The following PMEPA1 variants were observed in gnomAD, a reference collection of about 807,000 sequenced individuals.
PMEPA1 encodes prostate transmembrane protein, androgen induced 1, also known as protein TMEPAI.
In PMEPA1, 11 loss-of-function variants were observed where a neutral mutation model predicts 23.0. That is an observed-to-expected ratio of 0.48 (90% confidence interval 0.30 to 0.79). The LOEUF is 0.79. Ranked by LOEUF, PMEPA1 falls within the 30% of genes least tolerant of loss-of-function variation. PMEPA1 has a pLI of 0.06. For missense variants in PMEPA1, 377 were observed against 390.9 expected, an observed-to-expected ratio of 0.96 and a Z score of 0.30; for synonymous variants, 204 against 166.4, an observed-to-expected ratio of 1.23 and a Z score of -1.74.
intron 1 of PMEPA1, among the ~76,000 whole-genome samples, chr20:57,693,800 TACAGACA>T: frequency 6.6e-6 from 1 of 152,190 alleles, no homozygotes; most frequent in Non-Finnish European, 1.5e-5. Context: ...TGGGGCAGGA[TACAGACA>T]CTCTGAGTCT....
chr20:57,705,137 G>A (rs1361518380), intron 1 of PMEPA1, among the ~76,000 whole-genome samples: 1 of 147,388 alleles, frequency 6.8e-6, no homozygotes, highest in Non-Finnish European at 1.5e-5. Context: ...GTGTGTGCGC[G>A]TGTGTGTGTC....
At chr20:57,695,913 G>A (rs762364529) in intron 1 of PMEPA1, among the ~76,000 whole-genome samples, 1 of 152,180 alleles carries the variant, frequency 6.6e-6, no homozygotes, top group Non-Finnish European at 1.5e-5. Flanking sequence ...TGGTGTTAAT[G>A]TGTGGCCAGG....
intron 1 of PMEPA1, among the ~76,000 whole-genome samples, chr20:57,692,948 G>A (rs564711502): frequency 2.0e-5 from 3 of 152,342 alleles, no homozygotes; most frequent in East Asian, 3.9e-4. Flanking sequence ...GGGTCAAGGT[G>A]TCCCAGGCAG....
intron 3 of PMEPA1, 23 bp downstream of exon 3, chr20:57,653,010 G>C (rs2071275228): frequency 6.3e-7 from 1 of 1,584,842 alleles, no homozygotes; most frequent in Non-Finnish European, 8.6e-7. Context: ...GGGTGTTGGA[G>C]GGGAGGCCGA....
intron 1 of PMEPA1, among the ~76,000 whole-genome samples, chr20:57,661,098 G>A (rs2071412729): frequency 6.6e-6 from 1 of 152,220 alleles, no homozygotes; most frequent in South Asian, 2.1e-4. Context: ...AGATGGCTGC[G>A]GATGTTGCCA....
At chr20:57,695,811 C>T (rs1398240411) in intron 1 of PMEPA1, among the ~76,000 whole-genome samples, 1 of 152,156 alleles carries the variant, frequency 6.6e-6, no homozygotes, top group East Asian at 1.9e-4. Flanking sequence ...CTCTGCCACA[C>T]CCTGGAATTA....
chr20:57,678,015 G>T (rs1261576057), intron 1 of PMEPA1, among the ~76,000 whole-genome samples: 2 of 152,246 alleles, frequency 1.3e-5, no homozygotes, highest in Non-Finnish European at 2.9e-5. Context: ...TAGAAATGGA[G>T]AAGAGATTAG....
chr20:57,691,172 G>C (rs1041397405), intron 1 of PMEPA1, among the ~76,000 whole-genome samples: 1 of 152,218 alleles, frequency 6.6e-6, no homozygotes, highest in African/African-American at 2.4e-5. Context: ...CCACACAGTA[G>C]GTGCTCAATG....
rs575684860 is a variant in PMEPA1, at chr20:57,662,315, G to A, written c.110-2618C>T. ...GTGGGCTGAGCACACCTAAGAACGG[G>A]CGTTTTTATTATCATCCCCATTTCA... On this transcript the variant is annotated intron_variant, in intron 1 of 3. Coordinates refer to ENST00000341744, the MANE Select transcript of PMEPA1 (RefSeq NM_020182.5). Among the ~76,000 whole-genome samples the A allele has an allele frequency of 1.1e-4, 17 of 152,336 alleles. No homozygotes were observed. The South Asian group carries it at 2.3e-3, about 20-fold the overall frequency.
At chr20:57,702,875 A>G (rs941585307) in intron 1 of PMEPA1, among the ~76,000 whole-genome samples, 1 of 152,230 alleles carries the variant, frequency 6.6e-6, no homozygotes, top group Non-Finnish European at 1.5e-5. Flanking sequence ...ATCCATCAGT[A>G]ACCCAGGAAC....
Position 57,683,529 on chromosome 20 carries a change from C to T in PMEPA1, c.110-23832G>A, listed in dbSNP as rs958849830. On this transcript the variant is annotated intron_variant, in intron 1 of 3. Coordinates refer to ENST00000341744, the MANE Select transcript of PMEPA1 (RefSeq NM_020182.5). The surrounding 1 kb of genome is among the most constrained non-coding windows in gnomAD (Gnocchi z 4.3). ...ACGAACTTGCATTACTATACTAACT[C>T]GGTGGTGGTGTTCTGGCCTGTGTGC... is the stretch of plus-strand genomic sequence containing the variant. Among the ~76,000 whole-genome samples the T allele has an allele frequency of 3.5e-5, 4 of 115,758 alleles. No homozygotes were observed. Among genetic ancestry groups the T allele is most frequent in the Middle Eastern group, 3.8e-3 (1 of 266 alleles). The allele number at this position is 115,758 out of a possible 152,430, so 75.9% of individuals were successfully genotyped here. A position where few individuals can be genotyped will look rare whatever the true frequency, so the allele number is the denominator to read the frequency against.
rs922319963 is a variant in PMEPA1, at chr20:57,656,572, G to A, written c.264+2971C>T. Among the ~76,000 whole-genome samples the A allele has an allele frequency of 1.3e-5, 2 of 152,136 alleles. No individual in the cohort carries two copies. The highest frequency in any genetic ancestry group is 2.1e-4 in the South Asian group (1 of 4,832). ...TCTGCATCATGTCCCGAATACCCTC[G>A]GAGCAGCGCCAGGGTGGAAGTGCCA... On this transcript the variant is annotated intron_variant, in intron 2 of 3. Coordinates refer to ENST00000341744, the MANE Select transcript of PMEPA1 (RefSeq NM_020182.5). The surrounding 1 kb of genome is among the most constrained non-coding windows in gnomAD (Gnocchi z 4.7).
Position 57,652,936 on chromosome 20 carries a change from AG to A in PMEPA1, c.318+96del. On this transcript the variant is annotated intron_variant, in intron 3 of 3. Coordinates refer to ENST00000341744, the MANE Select transcript of PMEPA1 (RefSeq NM_020182.5). The surrounding 1 kb of genome is among the most constrained non-coding windows in gnomAD (Gnocchi z 6.1). ...GCAAGGGCACTGCAGAGGAGGGCGGAGGGGTGAGCCTTTAGCAGCCCACACT... is the reference window on the plus strand; with the variant it reads ...GCAAGGGCACTGCAGAGGAGGGCGGAGGGTGAGCCTTTAGCAGCCCACACT... 1 of 1,010,394 alleles carries A rather than the reference AG, an allele frequency of 9.9e-7. No homozygotes were observed. Among genetic ancestry groups the A allele is most frequent in the East Asian group, 2.6e-5 (1 of 38,538 alleles). The allele number at this position is 1,010,394 out of a possible 1,614,324, so 62.6% of individuals were successfully genotyped here.
chr20:57,652,724 G>C lies in PMEPA1; in HGVS notation c.319-126C>G. 1 of 913,192 alleles carries C rather than the reference G, an allele frequency of 1.1e-6. No individual in the cohort carries two copies. 56.6% of individuals were successfully genotyped at this position (913,192 alleles called of 1,614,324 possible). ...CTGGGGAAAGGGAGAGGGCAGCAGG[G>C]CTGGCGGGGGCGGGAGCCCAGAGCC... On this transcript the variant is annotated intron_variant, in intron 3 of 3. Coordinates refer to ENST00000341744, the MANE Select transcript of PMEPA1 (RefSeq NM_020182.5). This position sits in a 1 kb window ranked among gnomAD's most constrained non-coding sequence, Gnocchi z 6.1.
At chr20:57,703,419 T>C (rs556247357) in intron 1 of PMEPA1, among the ~76,000 whole-genome samples, 97 of 152,374 alleles carry the variant, frequency 6.4e-4, no homozygotes, top group African/African-American at 1.9e-3. Flanking sequence ...CAGTGGGGCA[T>C]CTGGACGTCA....
In PMEPA1 at chr20:57,709,575, C is replaced by A; in HGVS notation, c.8G>T (p.Arg3Leu). Residue 3 changes from arginine (R) to leucine (L), a missense_variant, in exon 1 of 4, where the codon CGC becomes CTC. Physicochemically the swap from Arg to Leu is moderately radical, Grantham distance 102 (BLOSUM62 -2). Coordinates refer to ENST00000341744, the MANE Select transcript of PMEPA1 (RefSeq NM_020182.5). Reference sequence around the variant, plus strand: ...GGCGGTGCTGTTGACCCCCATCAAGCGGTGCATGGACGGCGCGGCGGCGCG... The same window carrying A: ...GGCGGTGCTGTTGACCCCCATCAAGAGGTGCATGGACGGCGCGGCGGCGCG... MH[R>L]LMGVNSTAAA... 1 of 1,039,540 alleles carries A rather than the reference C, an allele frequency of 9.6e-7. No homozygotes were observed. Among genetic ancestry groups the A allele is most frequent in the Non-Finnish European group, 1.2e-6 (1 of 855,968 alleles). 64.4% of individuals were successfully genotyped at this position (1,039,540 alleles called of 1,614,324 possible).
intron 1 of PMEPA1, among the ~76,000 whole-genome samples, chr20:57,666,257 G>A (rs1190949336): frequency 1.3e-5 from 2 of 152,134 alleles, no homozygotes; most frequent in East Asian, 1.9e-4. Flanking sequence ...CCTCTGGGAG[G>A]TGCGGGCACA....
chr20:57,653,151 C>T, intron 2 of PMEPA1, 65 bp from the exon 3 acceptor site: 1 of 1,350,152 alleles, frequency 7.4e-7, no homozygotes, highest in South Asian at 1.2e-5. Context: ...AAAGGCTCAA[C>T]CCAGATTCGA....
At chr20:57,679,929 G>A (rs1003263780) in intron 1 of PMEPA1, among the ~76,000 whole-genome samples, 13 of 152,238 alleles carry the variant, frequency 8.5e-5, no homozygotes, top group African/African-American at 2.7e-4. Context: ...CAGAGCAACC[G>A]TGCAAAGCTG....
Sources: allele counts gnomAD v4.1 joint callset (sites outside exome capture counted in the v4.1 genomes callset), GRCh38; gene constraint gnomAD v4.1.1; non-coding constraint Gnocchi (gnomAD v3.1); transcripts MANE v1.5; gene names NCBI Gene and HGNC (gene_info 2026-07-23, HGNC 2026-07-21).